Variants in INAVA observed in about 807,000 individuals in gnomAD.
INAVA encodes innate immunity activator, also known as innate immunity activator protein.
INAVA carries 32 observed loss-of-function variants against 55.3 expected under a neutral mutation model. The ratio of observed to expected loss-of-function variants is 0.58; its 90% confidence interval spans 0.44 to 0.78. INAVA has a LOEUF of 0.78. Among genes scored for constraint, INAVA ranks in the 30% least tolerant of loss-of-function variants. The pLI is 0.00. For missense variants in INAVA, 756 were observed against 786.4 expected (o/e 0.96, Z 0.46); for synonymous variants, 294 against 329.4 (o/e 0.89, Z 1.16).
chr1:200,903,259 G>T (rs1330402893), intron 5 of INAVA, among the ~76,000 whole-genome samples: 1 of 152,194 alleles, frequency 6.6e-6, no homozygotes, highest in Non-Finnish European at 1.5e-5. Context: ...GCCAAGGTGG[G>T]CGGATCATGA....
At chr1:200,894,761 C>T (rs765889026), upstream of INAVA, 1 of 984,106 alleles carries the variant, frequency 1.0e-6, no homozygotes, top group Non-Finnish European at 1.2e-6. Context: ...TCCCTGCTAC[C>T]CTCCTGCCCC....
upstream of INAVA, among the ~76,000 whole-genome samples, chr1:200,892,446 C>T (rs1386516673): frequency 5.9e-5 from 9 of 152,086 alleles, no homozygotes; most frequent in Non-Finnish European, 1.3e-4. Flanking sequence ...ATGGCTACAG[C>T]GCTGGGGAAG....
At chr1:200,897,360 A>C (rs1668374655) in intron 1 of INAVA, among the ~76,000 whole-genome samples, 1 of 152,176 alleles carries the variant, frequency 6.6e-6, no homozygotes, top group African/African-American at 2.4e-5. Flanking sequence ...CCCAGGAGTA[A>C]TTGATGGCTT....
chr1:200,912,556 A>AT (rs1218370663), intron 9 of INAVA, among the ~76,000 whole-genome samples: 2 of 152,100 alleles, frequency 1.3e-5, no homozygotes, highest in Non-Finnish European at 2.9e-5. Context: ...AGAACCTGTG[A>AT]TTTTCTGGGC....
At chr1:200,898,903 T>C (rs1653084972) in intron 2 of INAVA, among the ~76,000 whole-genome samples, 1 of 152,042 alleles carries the variant, frequency 6.6e-6, no homozygotes, top group African/African-American at 2.4e-5. Flanking sequence ...CGTTTGAACC[T>C]GGGAGGCGGA....
chr1:200,912,574 T>C (rs1254892059), intron 9 of INAVA, among the ~76,000 whole-genome samples: 7 of 152,044 alleles, frequency 4.6e-5, no homozygotes, highest in Non-Finnish European at 1.0e-4. Flanking sequence ...GGCATCAGCA[T>C]CCTCCCTGAC....
At chr1:200,896,112 C>G (rs989173638) in intron 1 of INAVA, among the ~76,000 whole-genome samples, 3 of 152,156 alleles carry the variant, frequency 2.0e-5, no homozygotes, top group Non-Finnish European at 2.9e-5. Context: ...TAAGTCCCCA[C>G]TCCTCTGCAA....
At chr1:200,905,967 T>C (rs12132298) in intron 5 of INAVA, among the ~76,000 whole-genome samples, 32,500 of 152,246 alleles carry the variant, frequency 0.21, 3,857 homozygotes, top group Non-Finnish European at 0.28. Context: ...ACCACCTTTG[T>C]TGAATGTATA....
intron 5 of INAVA, among the ~76,000 whole-genome samples, chr1:200,902,571 G>A (rs1284532910): frequency 6.6e-6 from 1 of 152,248 alleles, no homozygotes; most frequent in African/African-American, 2.4e-5. Context: ...TGGAAGACAA[G>A]TTCTACAACC....
chr1:200,911,589 C>T lies in INAVA; in HGVS notation c.1096C>T (p.His366Tyr). 6.2e-7 allele frequency: 1 copy of T among 1,614,012 alleles called. No homozygotes were observed. The highest frequency in any genetic ancestry group is 8.5e-7 in the Non-Finnish European group (1 of 1,179,952). ...TKPPLPHAAC[H>Y]SCSEDSGSDV... ...GCCCCCGCTGCCCCACGCCGCCTGC[C>T]ACTCCTGCTCAGAAGACAGTGGCTC... Residue 366 changes from histidine (H) to tyrosine (Y), a missense_variant, in exon 9 of 10, where the codon CAC (histidine) becomes TAC (tyrosine). Physicochemically the swap from His to Tyr is moderately conservative, Grantham distance 83 (BLOSUM62 2). Coordinates refer to ENST00000413687, the MANE Select transcript of INAVA (RefSeq NM_001142569.3).
At chr1:200,900,286 C>T in intron 4 of INAVA, 66 bp downstream of exon 4, 1 of 1,395,334 alleles carries the variant, frequency 7.2e-7, no homozygotes. Flanking sequence ...GACGCCACAC[C>T]TCAGCTCAGT....
chr1:200,905,391 A>G (rs1473408452), intron 5 of INAVA, among the ~76,000 whole-genome samples: 3 of 152,116 alleles, frequency 2.0e-5, no homozygotes, highest in Non-Finnish European at 4.4e-5. Flanking sequence ...ACAAATAACT[A>G]AAATAAAAAA....
rs1280734477 is a variant in INAVA, at chr1:200,911,984, G to A, written c.1491G>A (p.Lys497=). Residue 497 remains lysine (K), a synonymous_variant, in exon 9 of 10, where the codon AAG becomes AAA. Coordinates refer to ENST00000413687, the MANE Select transcript of INAVA (RefSeq NM_001142569.3). ...KDSPAGRGLS[K]AAVSEELKWW... ...GCCCGGCAGGCCGGGGGCTCAGCAAGGCCGCCGTGTCCGAGGAGCTCAAGT... is the reference window on the plus strand; with the variant it reads ...GCCCGGCAGGCCGGGGGCTCAGCAAAGCCGCCGTGTCCGAGGAGCTCAAGT... The A allele has an allele frequency of 4.6e-6, 7 of 1,530,218 alleles. No homozygotes were observed. Among genetic ancestry groups the A allele is most frequent in the Non-Finnish European group, 6.1e-6 (7 of 1,142,522 alleles). 94.8% of individuals were successfully genotyped at this position (1,530,218 alleles called of 1,614,324 possible). A position where few individuals can be genotyped will look rare whatever the true frequency, so the allele number is the denominator to read the frequency against.
At chr1:200,901,259 C>T (rs1571863782) in intron 5 of INAVA, 100 bp downstream of exon 5, 1 of 1,167,188 alleles carries the variant, frequency 8.6e-7, no homozygotes, top group South Asian at 1.7e-5. Context: ...TTGGCTCCAG[C>T]TGGGTAAAGC....
chr1:200,911,083 T>A (rs562624365), intron 8 of INAVA, among the ~76,000 whole-genome samples: 241 of 54,970 alleles, frequency 4.4e-3, no homozygotes, highest in Non-Finnish European at 5.0e-3. Context: ...TGTAGTACTT[T>A]AAAAAAAGTA....
chr1:200,908,989 T>G, intron 7 of INAVA, 49 bp downstream of exon 7: 1 of 1,564,232 alleles, frequency 6.4e-7, no homozygotes, highest in Non-Finnish European at 8.7e-7. Context: ...AGGGAGTCGG[T>G]GGGAGCTATG....
At chr1:200,902,748 G>A (rs296529) in intron 5 of INAVA, among the ~76,000 whole-genome samples, 42,575 of 152,200 alleles carry the variant, frequency 0.28, 6,812 homozygotes, top group Non-Finnish European at 0.38. Flanking sequence ...CCCCGGTCCA[G>A]CCTCACACTG....
intron 7 of INAVA, 109 bp downstream of exon 7, chr1:200,909,049 G>C: frequency 7.5e-7 from 1 of 1,332,564 alleles, no homozygotes; most frequent in Non-Finnish European, 1.0e-6. Flanking sequence ...AGGTGGAGGA[G>C]AGAGCTCCTG....
At chr1:200,899,056 G>A (rs908584764) in intron 2 of INAVA, among the ~76,000 whole-genome samples, 30 of 152,192 alleles carry the variant, frequency 2.0e-4, no homozygotes, top group Non-Finnish European at 4.1e-4. Context: ...GTCTGGCCTA[G>A]TCTTGACAGA....
Sources: gnomAD v4.1 joint callset for allele counts (sites outside exome capture counted in the v4.1 genomes callset) on GRCh38, gnomAD v4.1.1 for gene constraint, MANE v1.5 for transcripts, NCBI Gene and HGNC (gene_info 2026-07-23, HGNC 2026-07-21) for gene names.